Variants in AGT observed in about 807,000 individuals in gnomAD.
AGT encodes angiotensinogen, also known as alpha-1 antiproteinase, antitrypsin.
Under a neutral mutation model 28.1 loss-of-function variants are expected in AGT, and 26 were observed. The observed-to-expected ratio is 0.92, with a 90% CI of 0.68 to 1.28. AGT has a LOEUF of 1.28. AGT is among the 50% of genes most tolerant of loss of function. The pLI is 0.00. For synonymous variants in AGT, 259 were observed against 259.6 expected (o/e 1.00, Z 0.02); for missense variants, 596 against 592.3 (o/e 1.01, Z -0.06).
intron 1 of AGT, among the ~76,000 whole-genome samples, chr1:230,723,226 C>A (rs1232787344): frequency 6.6e-6 from 1 of 152,050 alleles, no homozygotes; most frequent in Non-Finnish European, 1.5e-5. Flanking sequence ...TGTAAGTTTC[C>A]TGAGGCCTCC....
intron 1 of AGT, among the ~76,000 whole-genome samples, chr1:230,730,674 C>G (rs1374750858): frequency 6.6e-6 from 1 of 152,140 alleles, no homozygotes; most frequent in Non-Finnish European, 1.5e-5. Flanking sequence ...GTGTGTAACA[C>G]TTTCTGGTTT....
At position 230,702,687 on chromosome 1, in the gene AGT, G is replaced by A. The variant is rs1267382614; in HGVS notation, c.*454C>T. On this transcript the variant is annotated 3_prime_UTR_variant, in exon 5 of 5. Transcript: ENST00000366667. The stretch of plus-strand genomic sequence containing the variant: ...AACTAAGGTATTACAGACACTACAC[G>A]GAGGTCATGTTCTTACATTCAAGAC... 8 of 194,230 alleles carry A rather than the reference G, an allele frequency of 4.1e-5. No individual in the cohort carries two copies. In the East Asian group the frequency reaches 6.9e-4, roughly 17 times the overall value. 12.0% of individuals were successfully genotyped at this position (194,230 alleles called of 1,614,324 possible).
intron 1 of AGT, among the ~76,000 whole-genome samples, chr1:230,744,652 T>G (rs949775638): frequency 6.6e-6 from 1 of 152,198 alleles, no homozygotes; most frequent in African/African-American, 2.4e-5. Context: ...ATTCTCCAAT[T>G]ACCTAGCAAC....
At chr1:230,722,896 A>G (rs142858403) in intron 1 of AGT, among the ~76,000 whole-genome samples, 4 of 152,292 alleles carry the variant, frequency 2.6e-5, no homozygotes, top group African/African-American at 9.6e-5. Context: ...TTGGGAAGGC[A>G]TGATTGGTTT....
In AGT at chr1:230,740,075, G is replaced by A. The variant is rs111263927; in HGVS notation, c.-31+5440C>T. Among the ~76,000 whole-genome samples, 248 of 152,278 alleles carry A rather than the reference G, an allele frequency of 1.6e-3. 3 individuals carry two copies. The highest frequency in any genetic ancestry group is 5.8e-3 in the African/African-American group (242 of 41,554). ...TTATTCATGAGTTTACCAGGAAAGG[G>A]GCAGAGGCTTCCCTGAAACAAGGCT... On this transcript the variant is annotated intron_variant, in intron 1 of 4. Transcript: ENST00000681269.
intron 1 of AGT, among the ~76,000 whole-genome samples, chr1:230,743,948 T>C (rs1664295166): frequency 6.6e-6 from 1 of 152,242 alleles, no homozygotes. Context: ...AGGCCCCAGA[T>C]GCCAGGTCAG....
chr1:230,703,733 G>C (rs1663297241), intron 4 of AGT, among the ~76,000 whole-genome samples: 1 of 152,186 alleles, frequency 6.6e-6, no homozygotes, highest in Non-Finnish European at 1.5e-5. Context: ...TTTCTCCCCA[G>C]CACTGAGCAC....
In AGT at chr1:230,702,922, T is replaced by G; in HGVS notation, c.*219A>C. 1.7e-6 allele frequency: 1 copy of G among 585,428 alleles called. No homozygotes were observed. Among genetic ancestry groups the G allele is most frequent in the East Asian group, 2.9e-5 (1 of 34,840 alleles). The allele number at this position is 585,428 out of a possible 1,614,324, so 36.3% of individuals were successfully genotyped here. On this transcript the variant is annotated 3_prime_UTR_variant, in exon 5 of 5. Coordinates refer to ENST00000366667, the MANE Select transcript of AGT (RefSeq NM_001384479.1). Reference sequence around the variant, plus strand: ...TAAACCCAGCAAACTGGGAGGTGCATTTGTGCCGCTGCAGGCTTCTACTGC... The same window carrying G: ...TAAACCCAGCAAACTGGGAGGTGCAGTTGTGCCGCTGCAGGCTTCTACTGC...
At chr1:230,706,418 A>G (rs1327759921) in intron 2 of AGT, among the ~76,000 whole-genome samples, 3 of 152,152 alleles carry the variant, frequency 2.0e-5, no homozygotes, top group African/African-American at 7.2e-5. Context: ...TCACTGAGGC[A>G]GCCCTAACCG....
chr1:230,704,982 G>A (rs1456877729), intron 3 of AGT, among the ~76,000 whole-genome samples: 1 of 152,216 alleles, frequency 6.6e-6, no homozygotes, highest in Non-Finnish European at 1.5e-5. Flanking sequence ...ACAAAAGGTG[G>A]TAACCACATG....
At position 230,723,395 on chromosome 1, in the gene AGT, G is replaced by T. The variant is rs1050064398; in HGVS notation, c.-30-12542C>A. On this transcript the variant is annotated intron_variant, in intron 1 of 4. Transcript: ENST00000681269. ...GCACAACCTTTATTCTCACTTGGAG[G>T]CCAGAAGAACATTATTCAAGAATTC... is the stretch of plus-strand genomic sequence containing the variant. Among the ~76,000 whole-genome samples, 13 of 152,294 alleles carry T rather than the reference G, an allele frequency of 8.5e-5. 1 individual carries two copies. Among genetic ancestry groups the T allele is most frequent in the Middle Eastern group, 6.8e-3 (2 of 294 alleles).
chr1:230,709,593 T>C (rs11568034), intron 2 of AGT, among the ~76,000 whole-genome samples: 1,543 of 152,248 alleles, frequency 0.01, 27 homozygotes, highest in African/African-American at 0.035. Flanking sequence ...CTGACCCTTC[T>C]GAGTGTAGAA....
chr1:230,710,841 G>T lies in AGT; in HGVS notation c.-18C>A. 1.2e-6 allele frequency: 2 copies of T among 1,613,124 alleles called. No homozygotes were observed. The highest frequency in any genetic ancestry group is 1.1e-5 in the South Asian group (1 of 91,076). On this transcript the variant is annotated 5_prime_UTR_variant, in exon 2 of 5. Coordinates refer to ENST00000366667, the MANE Select transcript of AGT (RefSeq NM_001384479.1). ...GGAGCCATCTCAGACTGGGGTGCTC[G>T]CTTCCGCATACCCTGAAATATCATT...
At chr1:230,720,713 T>A (rs185622487) in intron 1 of AGT, among the ~76,000 whole-genome samples, 7 of 152,320 alleles carry the variant, frequency 4.6e-5, no homozygotes, top group African/African-American at 1.7e-4. Context: ...CACCTTTGAG[T>A]AGAGTCTTTG....
chr1:230,708,628 C>T (rs1256550471), intron 2 of AGT, among the ~76,000 whole-genome samples: 4 of 152,086 alleles, frequency 2.6e-5, no homozygotes, highest in Non-Finnish European at 2.9e-5. Context: ...TTTCACCTCC[C>T]GCCTGGCTCT....
chr1:230,711,223 T>C (rs895752524), intron 1 of AGT, among the ~76,000 whole-genome samples: 6 of 151,958 alleles, frequency 3.9e-5, no homozygotes, highest in Non-Finnish European at 5.9e-5. Context: ...ACCTGTGTCC[T>C]TATGAGAAGA....
At chr1:230,742,902 G>A (rs1664272718) in intron 1 of AGT, among the ~76,000 whole-genome samples, 1 of 152,354 alleles carries the variant, frequency 6.6e-6, no homozygotes, top group East Asian at 1.9e-4. Context: ...CTGGATCAGA[G>A]TGGGTGCATT....
At chr1:230,725,832 C>T (rs7515609) in intron 1 of AGT, among the ~76,000 whole-genome samples, 24,659 of 152,050 alleles carry the variant, frequency 0.16, 2,631 homozygotes, top group East Asian at 0.49. Context: ...GGCTCCCAAC[C>T]AGAGCCAGTA....
chr1:230,736,518 C>T (rs77406708), intron 1 of AGT, among the ~76,000 whole-genome samples: 3 of 151,716 alleles, frequency 2.0e-5, no homozygotes, highest in South Asian at 4.2e-4. Flanking sequence ...GACTCCATCT[C>T]GAAAAAAAAG....
Sources: allele counts gnomAD v4.1 joint callset (sites outside exome capture counted in the v4.1 genomes callset), GRCh38; gene constraint gnomAD v4.1.1; transcripts MANE v1.5; gene names NCBI Gene and HGNC (gene_info 2026-07-23, HGNC 2026-07-21).